Variants in CNBD1 observed in about 807,000 individuals in gnomAD.
CNBD1 encodes cyclic nucleotide-binding domain-containing protein 1.
A neutral mutation model predicts 54.4 loss-of-function variants in CNBD1; 71 were observed. The ratio of observed to expected loss-of-function variants is 1.30; its 90% CI spans 1.08 to 1.59. The LOEUF (loss-of-function observed/expected upper bound fraction) is 1.59, where lower values mean the gene tolerates loss of function less well. Ranked by LOEUF, CNBD1 falls within the 40% of genes most tolerant of loss-of-function variation. CNBD1 has a pLI of 0.00. For synonymous variants in CNBD1, 182 were observed against 170.7 expected (o/e 1.07, Z -0.51); for missense variants, 659 against 518.0 (o/e 1.27, Z -2.64).
At chr8:86,925,386 G>A (rs1809340576) in intron 3 of CNBD1, among the ~76,000 whole-genome samples, 1 of 151,930 alleles carries the variant, frequency 6.6e-6, no homozygotes, top group Admixed American at 6.6e-5. Context: ...TTTTAAAAAT[G>A]ATGGAAGAAT....
chr8:87,133,128 A>G (rs1233393859), intron 4 of CNBD1, among the ~76,000 whole-genome samples: 1 of 151,994 alleles, frequency 6.6e-6, no homozygotes, highest in Non-Finnish European at 1.5e-5. Context: ...CTTTTCTGCT[A>G]AGATTCCTTT....
At chr8:87,211,728 A>G (rs1240955475) in intron 5 of CNBD1, among the ~76,000 whole-genome samples, 1 of 152,172 alleles carries the variant, frequency 6.6e-6, no homozygotes, top group South Asian at 2.1e-4. Flanking sequence ...AGATACCAGC[A>G]CCTGCCATGC....
chr8:86,919,753 G>A (rs1809241883), intron 3 of CNBD1, among the ~76,000 whole-genome samples: 1 of 152,274 alleles, frequency 6.6e-6, no homozygotes, highest in East Asian at 1.9e-4. Flanking sequence ...TTACTAGGCA[G>A]TCAATGACAG....
At chr8:87,176,778 C>T (rs961366858) in intron 4 of CNBD1, among the ~76,000 whole-genome samples, 5 of 151,922 alleles carry the variant, frequency 3.3e-5, no homozygotes, top group Admixed American at 6.6e-5. Context: ...CGTGAGCCAC[C>T]GTGCCTGGCT....
chr8:87,094,368 A>G (rs1314456402), intron 4 of CNBD1, among the ~76,000 whole-genome samples: 1 of 151,430 alleles, frequency 6.6e-6, no homozygotes, highest in African/African-American at 2.4e-5. Flanking sequence ...TTTAGAGCAC[A>G]TGGTTTTTAA....
intron 2 of CNBD1, among the ~76,000 whole-genome samples, chr8:86,902,817 A>G (rs1808958624): frequency 6.6e-6 from 1 of 152,038 alleles, no homozygotes; most frequent in African/African-American, 2.4e-5. Flanking sequence ...CAACTCTACC[A>G]TAATGCTAAA....
At chr8:86,953,256 G>T (rs1456870187) in intron 4 of CNBD1, among the ~76,000 whole-genome samples, 1 of 152,118 alleles carries the variant, frequency 6.6e-6, no homozygotes, top group Non-Finnish European at 1.5e-5. Flanking sequence ...CTTAATAATT[G>T]GGTAGGAAAA....
At chr8:87,416,326 C>T (rs79699178) in intron 2 of CNBD1, among the ~76,000 whole-genome samples, 2,767 of 152,048 alleles carry the variant, frequency 0.018, 84 homozygotes, top group African/African-American at 0.06. Flanking sequence ...GTGATAAGAA[C>T]CAATGTTTTC....
chr8:87,411,000 T>C (rs1226620778), intron 2 of CNBD1, among the ~76,000 whole-genome samples: 1 of 152,136 alleles, frequency 6.6e-6, no homozygotes, highest in Non-Finnish European at 1.5e-5. Context: ...TTGCACTTAA[T>C]AGTCTATACA....
chr8:87,409,965 G>A (rs1563591346), intron 2 of CNBD1, among the ~76,000 whole-genome samples: 1 of 151,978 alleles, frequency 6.6e-6, no homozygotes. Flanking sequence ...GGAGGTTGTA[G>A]TGAGCCGAGA....
chr8:87,352,377 G>A (rs750008570), intron 9 of CNBD1, among the ~76,000 whole-genome samples: 2 of 151,520 alleles, frequency 1.3e-5, no homozygotes, highest in African/African-American at 2.4e-5. Context: ...GTACTCAGGA[G>A]GCTGAGGCAG....
chr8:87,374,736 A>T (rs1306078907), intron 10 of CNBD1, among the ~76,000 whole-genome samples: 5 of 151,840 alleles, frequency 3.3e-5, no homozygotes, highest in African/African-American at 9.7e-5. Context: ...CTGGAAGTCA[A>T]GTACTCCAAA....
intron 4 of CNBD1, among the ~76,000 whole-genome samples, chr8:87,079,940 T>G (rs1810954486): frequency 6.6e-6 from 1 of 152,224 alleles, no homozygotes; most frequent in African/African-American, 2.4e-5. Flanking sequence ...CTTCCAGTTT[T>G]AAGTTTTAAA....
chr8:87,261,850 TA>T (rs1261953440), intron 6 of CNBD1, among the ~76,000 whole-genome samples: 1 of 151,954 alleles, frequency 6.6e-6, no homozygotes, highest in Non-Finnish European at 1.5e-5. Context: ...AGTTCCTTAT[TA>T]AAATGCAACA....
intron 4 of CNBD1, among the ~76,000 whole-genome samples, chr8:87,195,961 C>A (rs560725246): frequency 1.3e-5 from 2 of 152,100 alleles, no homozygotes; most frequent in Non-Finnish European, 2.9e-5. Flanking sequence ...TTTTTTGGCA[C>A]GCATCCTACC....
chr8:86,947,539 A>G (rs1346379523), intron 4 of CNBD1, among the ~76,000 whole-genome samples: 1 of 152,134 alleles, frequency 6.6e-6, no homozygotes, highest in East Asian at 1.9e-4. Context: ...TGGAGCATTC[A>G]TGCTCAATTT....
Position 87,382,678 on chromosome 8 carries a change from A to T in CNBD1, c.*51A>T. 5 of 1,365,602 alleles carry T rather than the reference A, an allele frequency of 3.7e-6. No individual in the cohort carries two copies. In the South Asian group the frequency reaches 6.4e-5, roughly 18 times the overall value. 84.6% of individuals were successfully genotyped at this position (1,365,602 alleles called of 1,614,324 possible). A position where few individuals can be genotyped will look rare whatever the true frequency, so the allele number is the denominator to read the frequency against. On this transcript the variant is annotated 3_prime_UTR_variant, in exon 11 of 11. Coordinates refer to ENST00000518476, the MANE Select transcript of CNBD1 (RefSeq NM_173538.3). ...TAATTAAGAAAGTATTGACTAAATA[A>T]TGGAATAATTGCATTCTGGAATACT...
intron 4 of CNBD1, among the ~76,000 whole-genome samples, chr8:87,088,732 A>T (rs1055657378): frequency 1.3e-5 from 2 of 152,128 alleles, no homozygotes; most frequent in African/African-American, 2.4e-5. Flanking sequence ...AGTGTATTTT[A>T]AAAAGAATGG....
At chr8:87,306,769 G>T (rs1346033521) in intron 8 of CNBD1, among the ~76,000 whole-genome samples, 2 of 152,018 alleles carry the variant, frequency 1.3e-5, no homozygotes. Context: ...GGGAAGAGTG[G>T]GAGGGGGGTG....
Sources: gnomAD v4.1 joint callset for allele counts (sites outside exome capture counted in the v4.1 genomes callset) on GRCh38, gnomAD v4.1.1 for gene constraint, MANE v1.5 for transcripts, NCBI Gene and HGNC (gene_info 2026-07-23, HGNC 2026-07-21) for gene names.